ZNF664: variants seen among roughly 807,000 people sequenced by gnomAD.
ZNF664 encodes zinc finger Organ of Corti 1.
Under a neutral mutation model 18.2 loss-of-function variants are expected in ZNF664, and 10 were observed. That is an observed-to-expected ratio of 0.55 (90% CI 0.34 to 0.93). The LOEUF (loss-of-function observed/expected upper bound fraction) is 0.93. Ranked by LOEUF, ZNF664 falls within the 40% of genes least tolerant of loss-of-function variation. The pLI is 0.02. For missense variants in ZNF664, 193 were observed against 319.0 expected (o/e 0.61, Z 3.01); for synonymous variants, 119 against 104.2 (o/e 1.14, Z -0.86).
At chr12:123,985,486 G>C (rs967259195) in intron 2 of ZNF664, among the ~76,000 whole-genome samples, 2 of 152,192 alleles carry the variant, frequency 1.3e-5, no homozygotes, top group African/African-American at 4.8e-5. Context: ...GAGACCATTT[G>C]CTATCATAAA....
In ZNF664 at chr12:124,011,817, A is replaced by G; in HGVS notation, c.-328A>G. The G allele has an allele frequency of 8.8e-7, 1 of 1,134,022 alleles. No homozygotes were observed. Among genetic ancestry groups the G allele is most frequent in the Non-Finnish European group, 1.1e-6 (1 of 929,108 alleles). 70.2% of individuals were successfully genotyped at this position (1,134,022 alleles called of 1,614,324 possible). A position where few individuals can be genotyped will look rare whatever the true frequency, so the allele number is the denominator to read the frequency against. On this transcript the variant is annotated 5_prime_UTR_variant, in exon 5 of 5. Transcript: ENST00000337815. ...AAGATTCCAGGGGCTCAAAAACGCAAAGGTTTGCACTTTGAGAGCCCCTTG... is the reference window on the plus strand; with the variant it reads ...AAGATTCCAGGGGCTCAAAAACGCAGAGGTTTGCACTTTGAGAGCCCCTTG...
rs1417660410 is a variant in ZNF664, at chr12:123,988,101, T to C, written c.-698T>C. 1 of 1,231,616 alleles carries C rather than the reference T, an allele frequency of 8.1e-7. No individual in the cohort carries two copies. The highest frequency in any genetic ancestry group is 1.0e-6 in the Non-Finnish European group (1 of 987,878). The allele number at this position is 1,231,616 out of a possible 1,614,324, so 76.3% of individuals were successfully genotyped here. On this transcript the variant is annotated 5_prime_UTR_variant, in exon 3 of 5. Transcript: ENST00000337815. The stretch of plus-strand genomic sequence containing the variant: ...CTGTGGGCCCTGCCTCTGCCTGTTC[T>C]TCTGGAATGTCTTGGGGGTTTTGAT...
intron 3 of ZNF664, among the ~76,000 whole-genome samples, chr12:123,994,886 A>T (rs1956929738): frequency 6.6e-6 from 1 of 152,204 alleles, no homozygotes; most frequent in Non-Finnish European, 1.5e-5. Flanking sequence ...AATTAGCGGG[A>T]ATTGTACTAT....
At chr12:123,973,804 G>A in intron 1 of ZNF664, 82 bp from the exon 2 acceptor site, 2 of 1,194,266 alleles carry the variant, frequency 1.7e-6, no homozygotes, top group South Asian at 8.7e-5. Flanking sequence ...TCCCGGGAGA[G>A]GCGGTCATGG....
chr12:123,984,295 C>A (rs544802788), intron 2 of ZNF664, among the ~76,000 whole-genome samples: 1 of 152,178 alleles, frequency 6.6e-6, no homozygotes, highest in East Asian at 1.9e-4. Context: ...GGAGTGTGGC[C>A]AGTAATGTCC....
Position 124,012,320 on chromosome 12 carries a change from A to G in ZNF664, c.176A>G (p.Tyr59Cys). The change falls in exon 5 of 5, where the codon TAT becomes TGT. Residue 59 changes from tyrosine (Y) to cysteine (C), a missense_variant. This residue lies in a region of ZNF664 where 90 missense variants were observed against 118.9 expected (regional missense o/e 0.76). Transcript: ENST00000337815. ...HWRDHTGEKV[Y>C]KCDDCGKDFS... is the part of the protein sequence containing the mutation. ...AGAGACCATACAGGAGAGAAGGTCT[A>G]TAAATGTGATGATTGTGGTAAGGAT... The G allele has an allele frequency of 2.5e-6, 4 of 1,614,260 alleles. No individual in the cohort carries two copies. Among genetic ancestry groups the G allele is most frequent in the Non-Finnish European group, 3.4e-6 (4 of 1,180,044 alleles).
At chr12:123,984,403 T>C (rs1317323825) in intron 2 of ZNF664, among the ~76,000 whole-genome samples, 2 of 151,316 alleles carry the variant, frequency 1.3e-5, no homozygotes, top group Non-Finnish European at 2.9e-5. Flanking sequence ...GAGGCATGAG[T>C]GGGAAGTGAA....
intron 2 of ZNF664, among the ~76,000 whole-genome samples, chr12:123,982,804 T>C (rs918660541): frequency 6.6e-6 from 1 of 152,090 alleles, no homozygotes; most frequent in Admixed American, 6.6e-5. Context: ...AGAGATGTAA[T>C]AAAGGGATCA....
chr12:123,991,596 C>CT (rs1956889887), intron 3 of ZNF664, among the ~76,000 whole-genome samples: 1 of 152,204 alleles, frequency 6.6e-6, no homozygotes, highest in Non-Finnish European at 1.5e-5. Context: ...CTGATAGGTA[C>CT]TTTCATGTTT....
intron 1 of ZNF664, chr12:123,973,642 G>T: frequency 1.7e-6 from 1 of 576,426 alleles, no homozygotes; most frequent in Non-Finnish European, 2.3e-6. Context: ...CGGTGCGAGC[G>T]AGGGCTGGGC....
chr12:123,988,563 T>C lies in ZNF664; in HGVS notation c.-661+425T>C, dbSNP rs143472671. ...CTATCAAAACTTTTTAAAAGCTCGG[T>C]TGCTTTGTAAATTTCTGGTGTTTTT... On this transcript the variant is annotated intron_variant, in intron 3 of 4. Coordinates refer to ENST00000337815, the MANE Select transcript of ZNF664 (RefSeq NM_152437.3). Among the ~76,000 whole-genome samples the C allele has an allele frequency of 2.6e-5, 4 of 152,208 alleles. No homozygotes were observed. In the East Asian group the frequency reaches 5.8e-4, roughly 22 times the overall value.
chr12:124,012,556 A>G lies in ZNF664; in HGVS notation c.412A>G (p.Thr138Ala). Residue 138 changes from threonine to alanine, a missense_variant, in exon 5 of 5, where the codon ACC becomes GCC. This residue lies in a region of ZNF664 where 61 missense variants were observed against 153.7 expected (regional missense o/e 0.40). Coordinates refer to ENST00000337815, the MANE Select transcript of ZNF664 (RefSeq NM_152437.3). ...SNLCMHQRVH[T>A]GEKPFKCEEC... ...CCTTTGCATGCATCAGAGAGTCCAC[A>G]CCGGAGAGAAGCCCTTTAAATGTGA... The G allele has an allele frequency of 6.2e-7, 1 of 1,614,120 alleles. No homozygotes were observed. The highest frequency in any genetic ancestry group is 8.5e-7 in the Non-Finnish European group (1 of 1,179,988).
chr12:123,983,910 C>G (rs1956794979), intron 2 of ZNF664, among the ~76,000 whole-genome samples: 1 of 152,192 alleles, frequency 6.6e-6, no homozygotes, highest in African/African-American at 2.4e-5. Context: ...AATCAGAGAA[C>G]CTGCACAAAG....
At position 124,014,663 on chromosome 12, in the gene ZNF664, T is replaced by C. The variant is rs546909772; in HGVS notation, c.*1733T>C. 3 of 167,088 alleles carry C rather than the reference T, an allele frequency of 1.8e-5. No homozygotes were observed. Among genetic ancestry groups the C allele is most frequent in the Non-Finnish European group, 4.4e-5 (3 of 68,132 alleles). 10.4% of individuals were successfully genotyped at this position (167,088 alleles called of 1,614,324 possible). On this transcript the variant is annotated 3_prime_UTR_variant, in exon 5 of 5. Transcript: ENST00000337815. ...GTCAGCTGTCTAAGAGGTTGGAAAA[T>C]GAACTACTCAAGATAGTCACGAAAA...
chr12:123,973,966 C>T lies in ZNF664; in HGVS notation c.-811C>T, dbSNP rs1312592261. ...CTCGCGCACCCAGCGCAGAAGGCTG[C>T]TGCCGCCGGACGCCTCCATTGTTTG... On this transcript the variant is annotated 5_prime_UTR_variant, in exon 2 of 5. Coordinates refer to ENST00000337815, the MANE Select transcript of ZNF664 (RefSeq NM_152437.3). 4 of 1,231,816 alleles carry T rather than the reference C, an allele frequency of 3.2e-6. No homozygotes were observed. The highest frequency in any genetic ancestry group is 2.0e-6 in the Non-Finnish European group (2 of 988,104). 76.3% of individuals were successfully genotyped at this position (1,231,816 alleles called of 1,614,324 possible).
At chr12:124,009,883 A>T (rs537330022) in intron 3 of ZNF664, among the ~76,000 whole-genome samples, 69 of 131,126 alleles carry the variant, frequency 5.3e-4, no homozygotes, top group Non-Finnish European at 7.7e-4. Context: ...ACTATTGTGT[A>T]CCTTTTTTTT....
intron 3 of ZNF664, among the ~76,000 whole-genome samples, chr12:123,999,846 AG>A (rs1566204272): frequency 6.6e-6 from 1 of 152,210 alleles, no homozygotes; most frequent in Non-Finnish European, 1.5e-5. Flanking sequence ...AGCTAGCTGC[AG>A]GTCAGACATA....
At chr12:123,987,494 T>G (rs1022264795) in intron 2 of ZNF664, among the ~76,000 whole-genome samples, 6 of 152,228 alleles carry the variant, frequency 3.9e-5, no homozygotes, top group African/African-American at 1.4e-4. Flanking sequence ...ATTGATTTAA[T>G]CCTTAAATTA....
intron 2 of ZNF664, among the ~76,000 whole-genome samples, chr12:123,983,338 CTTT>C (rs1453657631): frequency 6.6e-6 from 1 of 152,154 alleles, no homozygotes; most frequent in African/African-American, 2.4e-5. Context: ...ATTCGTATTG[CTTT>C]TTAACGCTAA....
Sources: allele counts gnomAD v4.1 joint callset (sites outside exome capture counted in the v4.1 genomes callset), GRCh38; gene constraint gnomAD v4.1.1; regional missense constraint gnomAD v4.1.1; transcripts MANE v1.5; gene names NCBI Gene and HGNC (gene_info 2026-07-23, HGNC 2026-07-21).